Variants in ZNF782 observed in about 807,000 individuals in gnomAD.
ZNF782 encodes the protein zinc finger protein 782.
A neutral mutation model predicts 13.0 loss-of-function variants in ZNF782; 12 were observed. The observed-to-expected ratio is 0.92, with a 90% CI of 0.59 to 1.50. The LOEUF (loss-of-function observed/expected upper bound fraction) is 1.50. ZNF782 is among the 40% of genes most tolerant of loss of function. ZNF782 has a pLI of 0.00. For missense variants in ZNF782, 770 were observed against 822.9 expected, an observed-to-expected ratio of 0.94 and a Z score of 0.79; for synonymous variants, 284 against 283.0, an observed-to-expected ratio of 1.00 and a Z score of -0.04.
At chr9:96,872,931 T>C (rs1851844221) in intron 1 of ZNF782, among the ~76,000 whole-genome samples, 1 of 151,884 alleles carries the variant, frequency 6.6e-6, no homozygotes, top group Non-Finnish European at 1.5e-5. Flanking sequence ...GTGTTTGAGG[T>C]TTTCAAACAG....
At chr9:96,863,657 G>A (rs1477066280) in intron 1 of ZNF782, among the ~76,000 whole-genome samples, 2 of 152,182 alleles carry the variant, frequency 1.3e-5, no homozygotes, top group Non-Finnish European at 2.9e-5. Flanking sequence ...TAGAATATAT[G>A]CACCACGGAA....
At chr9:96,831,727 A>T (rs1037918880) in intron 4 of ZNF782, among the ~76,000 whole-genome samples, 2 of 151,698 alleles carry the variant, frequency 1.3e-5, no homozygotes, top group Non-Finnish European at 2.9e-5. Flanking sequence ...AAAAAAAAAA[A>T]ATTGCTGTCT....
upstream of ZNF782, among the ~76,000 whole-genome samples, chr9:96,877,271 C>G (rs73654628): frequency 0.08 from 12,171 of 152,276 alleles, 1,488 homozygotes; most frequent in African/African-American, 0.27. Flanking sequence ...GTGAACACAC[C>G]CGTGAAGCTT....
chr9:96,833,672 G>T (rs1465512983), intron 4 of ZNF782, among the ~76,000 whole-genome samples: 1 of 152,088 alleles, frequency 6.6e-6, no homozygotes, highest in Non-Finnish European at 1.5e-5. Flanking sequence ...CTTTTCTCCA[G>T]TATGCATACT....
At chr9:96,915,340 C>T in the ZNF782 span, among the ~76,000 whole-genome samples, 13 of 151,952 alleles carry the variant, frequency 8.6e-5, no homozygotes, top group African/African-American at 2.4e-4. Flanking sequence ...AGCACGTACA[C>T]AGGGTAGAGC....
At chr9:96,891,934 T>C in the ZNF782 span, 1 of 152,198 alleles carries the variant, frequency 6.6e-6, no homozygotes, top group Non-Finnish European at 1.5e-5. Context: ...GTTGGGTGAG[T>C]AGCAATCTGT....
At chr9:96,886,208 G>GAAA in the ZNF782 span, among the ~76,000 whole-genome samples, 13 of 88,416 alleles carry the variant, frequency 1.5e-4, no homozygotes, top group Admixed American at 2.6e-4. Flanking sequence ...TTTAAGTACA[G>GAAA]AAAAAAAAAA....
At chr9:96,875,679 G>C (rs949395321), upstream of ZNF782, 1 of 447,332 alleles carries the variant, frequency 2.2e-6, no homozygotes, top group Admixed American at 2.4e-5. Context: ...GACCTCTAGC[G>C]TGAGGGGGTC....
At position 96,852,874 on chromosome 9, in the gene ZNF782, T is replaced by A. The variant is rs2118822017; in HGVS notation, c.-66A>T. ...TCACCTGTGAAAGAATGAACGGAAC[T>A]GTTTTCCTCCTGGCTCTACCACAAA... On this transcript the variant is annotated 5_prime_UTR_variant, in exon 2 of 6. Coordinates refer to ENST00000481138, the MANE Select transcript of ZNF782 (RefSeq NM_001001662.3). The A allele has an allele frequency of 6.5e-6, 1 of 152,810 alleles. No homozygotes were observed. Among genetic ancestry groups the A allele is most frequent in the Non-Finnish European group, 1.5e-5 (1 of 68,052 alleles). 9.5% of individuals were successfully genotyped at this position (152,810 alleles called of 1,614,324 possible).
chr9:96,920,098 A>G, the ZNF782 span, among the ~76,000 whole-genome samples: 8 of 150,302 alleles, frequency 5.3e-5, no homozygotes, highest in African/African-American at 1.9e-4. Flanking sequence ...TATGCCAACA[A>G]CCTGATGCAC....
chr9:96,851,977 GGAGA>G lies in ZNF782; in HGVS notation c.-20_-17del. 2 of 1,613,784 alleles carry G rather than the reference GGAGA, an allele frequency of 1.2e-6. No individual in the cohort carries two copies. Among genetic ancestry groups the G allele is most frequent in the South Asian group, 2.2e-5 (2 of 91,068 alleles). On this transcript the variant is annotated 5_prime_UTR_variant, in exon 3 of 6. Coordinates refer to ENST00000481138, the MANE Select transcript of ZNF782 (RefSeq NM_001001662.3). ...ATGTGTTCATTTTCTGTGGCTCTTG[GGAGA>G]GTATAGAGAACTGTAAAGCCTCAGC...
chr9:96,902,622 A>T, the ZNF782 span, among the ~76,000 whole-genome samples: 1 of 134,822 alleles, frequency 7.4e-6, no homozygotes, highest in Non-Finnish European at 1.5e-5. Context: ...TCTCACTATA[A>T]CTTTTTTCTT....
intron 4 of ZNF782, among the ~76,000 whole-genome samples, chr9:96,841,799 G>T (rs192121092): frequency 6.6e-6 from 1 of 152,006 alleles, no homozygotes; most frequent in African/African-American, 2.4e-5. Flanking sequence ...TTGGGAACAA[G>T]GCAAGGATGA....
At chr9:96,848,741 G>A (rs555367593) in intron 3 of ZNF782, among the ~76,000 whole-genome samples, 41 of 152,288 alleles carry the variant, frequency 2.7e-4, no homozygotes, top group African/African-American at 9.6e-4. Context: ...TTGTGAAAAT[G>A]ACCATTCTGC....
At chr9:96,913,246 C>T in the ZNF782 span, among the ~76,000 whole-genome samples, 9 of 150,712 alleles carry the variant, frequency 6.0e-5, no homozygotes, top group Non-Finnish European at 1.2e-4. Flanking sequence ...ACCTGGGAGG[C>T]GGAGGTTGCA....
At chr9:96,884,862 T>C in the ZNF782 span, among the ~76,000 whole-genome samples, 1 of 152,058 alleles carries the variant, frequency 6.6e-6, no homozygotes, top group Non-Finnish European at 1.5e-5. Flanking sequence ...ATAGAAAATA[T>C]CTGGGATACA....
At chr9:96,929,295 C>A in the ZNF782 span, among the ~76,000 whole-genome samples, 1 of 152,016 alleles carries the variant, frequency 6.6e-6, no homozygotes, top group African/African-American at 2.4e-5. Context: ...TGGCTTGATC[C>A]TTTCTAGAGG....
At chr9:96,881,988 AGTGTGTGT>A in the ZNF782 span, among the ~76,000 whole-genome samples, 53 of 148,394 alleles carry the variant, frequency 3.6e-4, 1 homozygote, top group East Asian at 1.2e-3. Flanking sequence ...TGGAAGTATG[AGTGTGTGT>A]GTGTGTGTGT....
At chr9:96,932,001 C>T in the ZNF782 span, 5 of 1,610,304 alleles carry the variant, frequency 3.1e-6, no homozygotes, top group African/African-American at 1.3e-5. Flanking sequence ...CAGGCACAGA[C>T]CTTGATCCTA....
Sources: allele counts gnomAD v4.1 joint callset (sites outside exome capture counted in the v4.1 genomes callset), GRCh38; gene constraint gnomAD v4.1.1; transcripts MANE v1.5; gene names NCBI Gene and HGNC (gene_info 2026-07-23, HGNC 2026-07-21).